NPHP4: variants seen among roughly 807,000 people sequenced by gnomAD.
NPHP4 encodes nephrocystin 4.
Under a neutral mutation model 155.8 loss-of-function variants are expected in NPHP4, and 151 were observed. The observed-to-expected ratio is 0.97, with a 90% CI of 0.85 to 1.11. The LOEUF is 1.11. Among genes scored for constraint, NPHP4 ranks in the 50% least tolerant of loss-of-function variants. NPHP4 has a pLI of 0.00. For synonymous variants in NPHP4, 845 were observed against 816.8 expected (o/e 1.03, Z -0.59); for missense variants, 1,956 against 1,925.7 (o/e 1.02, Z -0.29).
chr1:5,933,033 A>G, intron 10 of NPHP4, 114 bp downstream of exon 10: 1 of 857,942 alleles, frequency 1.2e-6, no homozygotes, highest in East Asian at 2.6e-5. Flanking sequence ...CATGACATGA[A>G]AAAAATTCTG....
At chr1:5,979,331 TGGGGC>T (rs1000110178) in intron 2 of NPHP4, among the ~76,000 whole-genome samples, 11 of 119,458 alleles carry the variant, frequency 9.2e-5, no homozygotes, top group African/African-American at 3.5e-4. Context: ...GAGAGGTGGG[TGGGGC>T]GGGGCAGGGC....
At chr1:5,925,297 G>A (rs879572400) in intron 11 of NPHP4, among the ~76,000 whole-genome samples, 11 of 152,108 alleles carry the variant, frequency 7.2e-5, no homozygotes, top group Non-Finnish European at 1.3e-4. Context: ...CACTGTATTA[G>A]GTATTGTAAG....
intron 3 of NPHP4, among the ~76,000 whole-genome samples, chr1:5,977,577 C>T (rs1003350654): frequency 3.3e-5 from 5 of 151,844 alleles, no homozygotes; most frequent in Admixed American, 6.5e-5. Flanking sequence ...GTTAGGTGAG[C>T]GCCATCATCA....
At chr1:5,915,103 C>T (rs763491288) in intron 11 of NPHP4, among the ~76,000 whole-genome samples, 1 of 152,182 alleles carries the variant, frequency 6.6e-6, no homozygotes, top group Non-Finnish European at 1.5e-5. Context: ...TCAGCAATTC[C>T]GTGGGAGAGA....
At chr1:5,888,283 A>T (rs1643921968) in intron 17 of NPHP4, 1 of 959,816 alleles carries the variant, frequency 1.0e-6, no homozygotes, top group Non-Finnish European at 1.2e-6. Flanking sequence ...GGGGGATGAC[A>T]ACGGCCTCAC....
chr1:5,885,304 C>A (rs1488916089), intron 18 of NPHP4, among the ~76,000 whole-genome samples: 1 of 148,558 alleles, frequency 6.7e-6, no homozygotes, highest in Non-Finnish European at 1.5e-5. Flanking sequence ...GAAAAACCCC[C>A]GTCCTACTCT....
intron 11 of NPHP4, among the ~76,000 whole-genome samples, chr1:5,923,273 T>C (rs1645837757): frequency 6.6e-6 from 1 of 152,168 alleles, no homozygotes; most frequent in Non-Finnish European, 1.5e-5. Flanking sequence ...AGATTGACCC[T>C]CCCATCTAAA....
chr1:5,905,864 T>C lies in NPHP4; in HGVS notation c.1612-81A>G. On this transcript the variant is annotated intron_variant, in intron 13 of 29. Transcript: ENST00000378156. This position sits in a 1 kb window ranked among gnomAD's most constrained non-coding sequence, Gnocchi z 4.0. ...CCAACGGTGCTCAGATCTAAGGGGA[T>C]TCATCGATTAATTGCCTCTGGAGGG... The C allele has an allele frequency of 1.5e-6, 2 of 1,362,950 alleles. No homozygotes were observed. Among genetic ancestry groups the C allele is most frequent in the South Asian group, 2.8e-5 (2 of 71,316 alleles). 84.4% of individuals were successfully genotyped at this position (1,362,950 alleles called of 1,614,324 possible). A position where few individuals can be genotyped will look rare whatever the true frequency, so the allele number is the denominator to read the frequency against.
intron 6 of NPHP4, among the ~76,000 whole-genome samples, chr1:5,960,787 T>C (rs1475978383): frequency 6.6e-6 from 1 of 151,808 alleles, no homozygotes; most frequent in Non-Finnish European, 1.5e-5. Context: ...AACACTCCCA[T>C]GGCTGCTGGG....
intron 9 of NPHP4, among the ~76,000 whole-genome samples, chr1:5,942,327 C>T (rs1225735984): frequency 2.0e-5 from 3 of 151,968 alleles, no homozygotes; most frequent in Non-Finnish European, 4.4e-5. Flanking sequence ...GTCAGGATAT[C>T]GAGACCATCC....
In NPHP4 at chr1:5,879,767, C is replaced by A. The variant is rs1270559184; in HGVS notation, c.2611+347G>T. 9 of 402,834 alleles carry A rather than the reference C, an allele frequency of 2.2e-5. No individual in the cohort carries two copies. In the Admixed American group the frequency reaches 2.8e-4, roughly 12 times the overall value. 25.0% of individuals were successfully genotyped at this position (402,834 alleles called of 1,614,324 possible). On this transcript the variant is annotated intron_variant, in intron 19 of 29. Transcript: ENST00000378156. ...ATGCAGATGGGCATTAACAGCACCA[C>A]GAATGGTGCGCACACACACACACAC...
In NPHP4 at chr1:5,892,010, G is replaced by A. The variant is rs747713736; in HGVS notation, c.2144-982C>T. Among the ~76,000 whole-genome samples, 3 of 152,244 alleles carry A rather than the reference G, an allele frequency of 2.0e-5. No individual in the cohort carries two copies. The highest frequency in any genetic ancestry group is 2.9e-5 in the Non-Finnish European group (2 of 68,042). On this transcript the variant is annotated intron_variant, in intron 16 of 29. Coordinates refer to ENST00000378156, the MANE Select transcript of NPHP4 (RefSeq NM_015102.5). The surrounding 1 kb of genome is among the most constrained non-coding windows in gnomAD (Gnocchi z 4.5). ...GAGCAAGGACCCACTGCTCAGGCCC[G>A]GCGCTGGCCACAGCAGGAGCTCACG...
chr1:5,976,276 C>A (rs936139415), intron 3 of NPHP4, among the ~76,000 whole-genome samples: 2 of 152,100 alleles, frequency 1.3e-5, no homozygotes, highest in African/African-American at 2.4e-5. Flanking sequence ...ACACAGGATA[C>A]TGACCTCCAC....
At chr1:5,950,938 G>A (rs1647863861) in intron 7 of NPHP4, among the ~76,000 whole-genome samples, 1 of 152,176 alleles carries the variant, frequency 6.6e-6, no homozygotes, top group South Asian at 2.1e-4. Context: ...CAAAAAAAGT[G>A]AGCAAATGGA....
At chr1:5,919,198 T>A (rs1185525643) in intron 11 of NPHP4, among the ~76,000 whole-genome samples, 2 of 152,268 alleles carry the variant, frequency 1.3e-5, no homozygotes, top group African/African-American at 4.8e-5. Context: ...TGCTGACCTC[T>A]TCTATAATTG....
Position 5,867,907 on chromosome 1 carries a change from G to A in NPHP4, c.3316-11C>T. 6.2e-7 allele frequency: 1 copy of A among 1,613,922 alleles called. No individual in the cohort carries two copies. Among genetic ancestry groups the A allele is most frequent in the Non-Finnish European group, 8.5e-7 (1 of 1,179,832 alleles). On this transcript the variant is annotated splice_polypyrimidine_tract_variant and intron_variant, in intron 23 of 29. Transcript: ENST00000378156. This position sits in a 1 kb window ranked among gnomAD's most constrained non-coding sequence, Gnocchi z 4.1. ...CGCTCGGAACAAGACCTGTGAGGAGGCCACGCTGAGTGTTGGGATGGGCAC... is the reference window on the plus strand; with the variant it reads ...CGCTCGGAACAAGACCTGTGAGGAGACCACGCTGAGTGTTGGGATGGGCAC...
intron 9 of NPHP4, among the ~76,000 whole-genome samples, chr1:5,937,470 C>A (rs958944527): frequency 2.0e-5 from 3 of 152,230 alleles, no homozygotes; most frequent in Non-Finnish European, 4.4e-5. Flanking sequence ...CATTACTTCA[C>A]GAGCTTCATT....
chr1:5,909,387 T>C (rs557279163), intron 11 of NPHP4, among the ~76,000 whole-genome samples, 174 bp from the exon 12 acceptor site: 5 of 152,198 alleles, frequency 3.3e-5, no homozygotes, highest in African/African-American at 1.2e-4. Context: ...CACCCAAAAG[T>C]GTCGCTGTCT....
Position 5,969,191 on chromosome 1 carries a change from G to A in NPHP4, c.348C>T (p.Gly116=). The A allele has an allele frequency of 1.9e-6, 3 of 1,578,658 alleles. No homozygotes were observed. The highest frequency in any genetic ancestry group is 1.3e-5 in the African/African-American group (1 of 74,180). The change falls in exon 4 of 30, where the codon GGC becomes GGT. Residue 116 remains glycine, a synonymous_variant. Coordinates refer to ENST00000378156, the MANE Select transcript of NPHP4 (RefSeq NM_015102.5). ...IVAVVEVVAE[G]KKRDGSLQTL... ...TCTGGAGGCTCCCATCCCGTTTCTT[G>A]CCCTCAGCGACCACTTCCACCACAG... is the stretch of plus-strand genomic sequence containing the variant.
Sources: allele counts gnomAD v4.1 joint callset (sites outside exome capture counted in the v4.1 genomes callset), GRCh38; gene constraint gnomAD v4.1.1; non-coding constraint Gnocchi (gnomAD v3.1); transcripts MANE v1.5; gene names NCBI Gene and HGNC (gene_info 2026-07-23, HGNC 2026-07-21).